The following SOS2 variants were observed in gnomAD, a reference collection of about 807,000 sequenced individuals.
The protein encoded by SOS2 is SOS Ras/Rho guanine nucleotide exchange factor 2.
In SOS2, 65 loss-of-function variants were observed where a neutral mutation model predicts 148.2. The ratio of observed to expected loss-of-function variants is 0.44; its 90% confidence interval spans 0.36 to 0.54. SOS2 has a LOEUF of 0.54. SOS2 is among the 20% of genes least tolerant of loss of function. The probability of loss-of-function intolerance (pLI) is 0.00; values close to 1 mark genes in which losing one functional copy is unlikely to be tolerated. For missense variants in SOS2, 1,341 were observed against 1,590.2 expected (o/e 0.84, Z 2.67); for synonymous variants, 539 against 537.1 (o/e 1.00, Z -0.05).
rs898613538 is a variant in SOS2 at position 50,173,008 on chromosome 14, A to AT, written c.1068+1445dup. Among the ~76,000 whole-genome samples the AT allele has an allele frequency of 1.3e-3, 203 of 151,136 alleles. 1 individual carries two copies. Among genetic ancestry groups the AT allele is most frequent in the African/African-American group, 4.7e-3 (195 of 41,204 alleles). On this transcript the variant is annotated intron_variant, in intron 8 of 22. Transcript: ENST00000216373. ...TTGCTCAGTAAAATGTTCTTTCTCA[A>AT]TTTTTTTTTCTTTAACAGGGTCTTG... is the stretch of plus-strand genomic sequence containing the variant.
At chr14:50,151,215 T>C (rs1884652881) in intron 13 of SOS2, among the ~76,000 whole-genome samples, 1 of 152,244 alleles carries the variant, frequency 6.6e-6, no homozygotes. Flanking sequence ...CATATTGCAC[T>C]GAGTCAATGT....
At position 50,200,942 on chromosome 14, in the gene SOS2, T is replaced by C. The variant is rs1886466755; in HGVS notation, c.345+11A>G. The C allele has an allele frequency of 6.2e-7, 1 of 1,612,962 alleles. No individual in the cohort carries two copies. Among genetic ancestry groups the C allele is most frequent in the African/African-American group, 1.3e-5 (1 of 74,892 alleles). On this transcript the variant is annotated intron_variant, in intron 3 of 22. Transcript: ENST00000216373. The stretch of plus-strand genomic sequence containing the variant: ...AGAACACCCCCCAACTAATGTTTAA[T>C]CTTTTGTTACCTTCAACGAAGGATG...
chr14:50,224,959 A>G (rs1013584005), intron 1 of SOS2, among the ~76,000 whole-genome samples: 1 of 151,948 alleles, frequency 6.6e-6, no homozygotes, highest in Admixed American at 6.6e-5. Context: ...AGAAAACTGG[A>G]GTACAGAAAA....
chr14:50,157,041 A>C lies in SOS2; in HGVS notation c.2015T>G (p.Leu672Arg), dbSNP rs1320147354. ...GACATATTCCTTGCGAAATCTTTTA[A>C]GGTCTGCACTGATTGGCTGCTCGCC... ...EKGEQPISADLKRFRKEYVQP... is the reference protein window; with the variant it reads ...EKGEQPISADRKRFRKEYVQP... Residue 672 changes from leucine to arginine, a missense_variant, in exon 12 of 23, where the codon CTT (leucine) becomes CGT (arginine). Around this residue, in one of 4 missense-constraint regions of SOS2, gnomAD observed 408 missense variants for 506.6 expected, o/e 0.81. Transcript: ENST00000216373. 6.2e-7 allele frequency: 1 copy of C among 1,611,052 alleles called. No individual in the cohort carries two copies. The highest frequency in any genetic ancestry group is 8.5e-7 in the Non-Finnish European group (1 of 1,178,310).
In SOS2 at chr14:50,224,314, T is replaced by TACACAC. The variant is rs71118856; in HGVS notation, c.87+6877_87+6882dup. Among the ~76,000 whole-genome samples the TACACAC allele has an allele frequency of 4.6e-3, 468 of 100,980 alleles. 10 individuals carry two copies. Among genetic ancestry groups the TACACAC allele is most frequent in the African/African-American group, 0.013 (296 of 23,076 alleles). The allele number at this position is 100,980 out of a possible 152,430, so 66.2% of individuals were successfully genotyped here. ...TCAGGAAAAAAAAAAAATATATATA[T>TACACAC]ACACACACACACACACACACACACA... On this transcript the variant is annotated intron_variant, in intron 1 of 22. Transcript: ENST00000216373.
chr14:50,215,228 G>T, intron 1 of SOS2: 1 of 381,298 alleles, frequency 2.6e-6, no homozygotes. Context: ...GTCTAACTGG[G>T]ATGGATTCTT....
At chr14:50,137,648 AT>A (rs953028901) in intron 18 of SOS2, among the ~76,000 whole-genome samples, 18 of 151,616 alleles carry the variant, frequency 1.2e-4, no homozygotes, top group Non-Finnish European at 2.1e-4. Context: ...AAGATCTAAA[AT>A]TTTTTTTTAA....
intron 14 of SOS2, among the ~76,000 whole-genome samples, chr14:50,148,483 G>T (rs370397719): frequency 6.6e-6 from 1 of 151,796 alleles, no homozygotes; most frequent in Non-Finnish European, 1.5e-5. Context: ...CCTGAAAGTA[G>T]GTCCACATGA....
At chr14:50,145,933 G>A (rs1298289848) in intron 14 of SOS2, among the ~76,000 whole-genome samples, 2 of 151,810 alleles carry the variant, frequency 1.3e-5, no homozygotes, top group Non-Finnish European at 2.9e-5. Flanking sequence ...TCAGGAGTTC[G>A]AGACCAGCCT....
At chr14:50,178,721 T>TAC (rs60850219) in intron 7 of SOS2, among the ~76,000 whole-genome samples, 14 of 133,266 alleles carry the variant, frequency 1.1e-4, no homozygotes, top group African/African-American at 2.6e-4. Flanking sequence ...TACACACATA[T>TAC]ACACACACAT....
chr14:50,195,367 G>T (rs1315445713), intron 4 of SOS2, among the ~76,000 whole-genome samples: 28 of 152,210 alleles, frequency 1.8e-4, no homozygotes, highest in Admixed American at 1.8e-3. Flanking sequence ...ATAACAAGGG[G>T]ATCTGAAAAT....
At chr14:50,215,401 A>G in intron 1 of SOS2, 1 of 1,284,940 alleles carries the variant, frequency 7.8e-7, no homozygotes, top group Non-Finnish European at 1.0e-6. Flanking sequence ...GGACATCAAG[A>G]GGACAATGGA....
intron 2 of SOS2, among the ~76,000 whole-genome samples, chr14:50,202,825 T>A (rs886592630): frequency 6.6e-6 from 1 of 151,740 alleles, no homozygotes; most frequent in African/African-American, 2.4e-5. Context: ...AAAATCTTAA[T>A]AGCTCAATCA....
In SOS2 at chr14:50,178,649, T is replaced by C. The variant is rs1380681506; in HGVS notation, c.969+1923A>G. 3.9e-3 allele frequency among the ~76,000 whole-genome samples: 62 copies of C among 15,880 alleles called. 1 individual carries two copies. Among genetic ancestry groups the C allele is most frequent in the African/African-American group, 0.011 (56 of 5,074 alleles). 10.4% of individuals were successfully genotyped at this position (15,880 alleles called of 152,430 possible). ...AGGTGTGCACCACCATGCCCGCTAG[T>C]GTGTGTGTGTGTGTGTGTGTGCATA... On this transcript the variant is annotated intron_variant, in intron 7 of 22. Transcript: ENST00000216373.
intron 21 of SOS2, among the ~76,000 whole-genome samples, chr14:50,129,546 G>A (rs10133024): frequency 0.16 from 24,209 of 152,078 alleles, 2,479 homozygotes; most frequent in Admixed American, 0.33. Flanking sequence ...CACCATATCC[G>A]GCTAATTTTT....
chr14:50,231,542 C>A lies in SOS2; in HGVS notation c.-259G>T, dbSNP rs1887547942. 6.6e-6 allele frequency: 1 copy of A among 151,960 alleles called. No homozygotes were observed. The highest frequency in any genetic ancestry group is 1.5e-5 in the Non-Finnish European group (1 of 67,928). 9.4% of individuals were successfully genotyped at this position (151,960 alleles called of 1,614,324 possible). On this transcript the variant is annotated 5_prime_UTR_variant, in exon 1 of 23. Transcript: ENST00000216373. ...ACCCGCAAGCCCGGGCGACCCCGGGCGGCGACCTCCTTTCCCGGCGGCGCT... is the reference window on the plus strand; with the variant it reads ...ACCCGCAAGCCCGGGCGACCCCGGGAGGCGACCTCCTTTCCCGGCGGCGCT...
At position 50,188,558 on chromosome 14, in the gene SOS2, T is replaced by G; in HGVS notation, c.653A>C (p.Asn218Thr). ...AEERQYLREL[N>T]MIIKVFREAF... ...TTCTCGAAACACTTTTATGATCATATTTAATTCCCGTAGATACTGTCTTTC... is the reference window on the plus strand; with the variant it reads ...TTCTCGAAACACTTTTATGATCATAGTTAATTCCCGTAGATACTGTCTTTC... Residue 218 changes from asparagine to threonine, a missense_variant, in exon 5 of 23, where the codon AAT (asparagine) becomes ACT (threonine). By Grantham distance (65) the Asn-to-Thr change is moderately conservative (BLOSUM62 0). This residue lies in a region of SOS2 where 574 missense variants were observed against 711.1 expected (regional missense o/e 0.81). Coordinates refer to ENST00000216373, the MANE Select transcript of SOS2 (RefSeq NM_006939.4). The G allele has an allele frequency of 6.2e-7, 1 of 1,606,194 alleles. No individual in the cohort carries two copies.
chr14:50,124,781 T>C (rs183049736), intron 21 of SOS2, among the ~76,000 whole-genome samples: 15 of 152,368 alleles, frequency 9.8e-5, no homozygotes, highest in Non-Finnish European at 1.9e-4. Context: ...CCCATGTTCA[T>C]TGTGAATGGA....
rs536599042 is a variant in SOS2 at position 50,187,493 on chromosome 14, G to A, written c.714+1004C>T. On this transcript the variant is annotated intron_variant, in intron 5 of 22. Transcript: ENST00000216373. ...CTCCGGAGTAGCTGGGACTACAGGC[G>A]CCCACCACTACGCCCGGCTAACTTT... Among the ~76,000 whole-genome samples the A allele has an allele frequency of 2.5e-3, 372 of 151,740 alleles. 2 individuals carry two copies. The highest frequency in any genetic ancestry group is 8.7e-3 in the African/African-American group (360 of 41,400).
Sources: gnomAD v4.1 joint callset for allele counts (sites outside exome capture counted in the v4.1 genomes callset) on GRCh38, gnomAD v4.1.1 for gene constraint, gnomAD v4.1.1 regional missense constraint, MANE v1.5 for transcripts, NCBI Gene and HGNC (gene_info 2026-07-23, HGNC 2026-07-21) for gene names.